Variants in ARB2A observed in about 807,000 individuals in gnomAD.
The protein encoded by ARB2A is ARB2 cotranscriptional regulator A.
chr5:94,020,519 T>G, the ARB2A span, among the ~76,000 whole-genome samples: 1 of 152,134 alleles, frequency 6.6e-6, no homozygotes, highest in Admixed American at 6.5e-5. Context: ...TAAGTCTAGG[T>G]GATTGCCTGG....
At chr5:93,697,460 A>C in the ARB2A span, among the ~76,000 whole-genome samples, 3 of 152,126 alleles carry the variant, frequency 2.0e-5, no homozygotes, top group South Asian at 6.2e-4. Context: ...CTGAATAAAA[A>C]TCTCACCTCA....
chr5:93,650,526 A>G, the ARB2A span, among the ~76,000 whole-genome samples: 1 of 152,190 alleles, frequency 6.6e-6, no homozygotes, highest in African/African-American at 2.4e-5. Flanking sequence ...CCTGTGAGGC[A>G]GTATAAAATC....
At chr5:94,000,824 G>T in the ARB2A span, among the ~76,000 whole-genome samples, 3 of 151,986 alleles carry the variant, frequency 2.0e-5, no homozygotes, top group Non-Finnish European at 2.9e-5. Context: ...GTTAATTTCT[G>T]CAAAAGGCAT....
chr5:93,737,251 C>T, the ARB2A span: 2 of 152,120 alleles, frequency 1.3e-5, no homozygotes, highest in Non-Finnish European at 2.9e-5. Flanking sequence ...AAGGCTTGTA[C>T]ACTGAAAACT....
the ARB2A span, among the ~76,000 whole-genome samples, chr5:93,653,757 T>C: frequency 1.8e-4 from 28 of 152,240 alleles, no homozygotes; most frequent in Admixed American, 3.3e-4. Context: ...TATCTTCATA[T>C]ATATTATTAG....
the ARB2A span, among the ~76,000 whole-genome samples, chr5:93,759,258 A>G: frequency 6.6e-6 from 1 of 152,118 alleles, no homozygotes; most frequent in Non-Finnish European, 1.5e-5. Context: ...GGTAATAAAA[A>G]ATTACCAGTA....
chr5:93,928,151 G>T, the ARB2A span, among the ~76,000 whole-genome samples: 1 of 152,110 alleles, frequency 6.6e-6, no homozygotes, highest in African/African-American at 2.4e-5. Context: ...AGGAAGAACT[G>T]CTGAGGTTGG....
chr5:94,057,453 A>T, the ARB2A span, among the ~76,000 whole-genome samples: 7 of 152,108 alleles, frequency 4.6e-5, no homozygotes, highest in Non-Finnish European at 1.0e-4. Context: ...AGAGTTCAGG[A>T]GATGGATGGT....
chr5:94,051,263 G>A, the ARB2A span, among the ~76,000 whole-genome samples: 1 of 152,144 alleles, frequency 6.6e-6, no homozygotes, highest in Non-Finnish European at 1.5e-5. Context: ...TCTGCCACTG[G>A]GGATTCATAT....
the ARB2A span, among the ~76,000 whole-genome samples, chr5:93,633,439 A>G: frequency 6.6e-6 from 1 of 152,170 alleles, no homozygotes; most frequent in African/African-American, 2.4e-5. Context: ...GAAATTCCTT[A>G]ATTAGGCTTA....
the ARB2A span, among the ~76,000 whole-genome samples, chr5:93,949,679 T>C: frequency 6.6e-6 from 1 of 152,120 alleles, no homozygotes; most frequent in Non-Finnish European, 1.5e-5. Flanking sequence ...TCTTTTTAAA[T>C]GTACAATCAA....
At chr5:93,823,317 T>A in the ARB2A span, among the ~76,000 whole-genome samples, 2 of 152,208 alleles carry the variant, frequency 1.3e-5, no homozygotes, top group African/African-American at 4.8e-5. Context: ...TGGTAATTTT[T>A]TTCTATCATG....
the ARB2A span, chr5:93,861,113 C>A: frequency 2.0e-5 from 3 of 152,174 alleles, no homozygotes; most frequent in South Asian, 2.1e-4. Context: ...CCAACATATT[C>A]TTTTAAGTAT....
At chr5:94,088,973 T>C in the ARB2A span, among the ~76,000 whole-genome samples, 1 of 152,164 alleles carries the variant, frequency 6.6e-6, no homozygotes, top group Non-Finnish European at 1.5e-5. Flanking sequence ...CTCTCAGTCC[T>C]TCAACATGAT....
chr5:93,834,043 G>C, the ARB2A span, among the ~76,000 whole-genome samples: 3 of 152,226 alleles, frequency 2.0e-5, no homozygotes, highest in South Asian at 6.2e-4. Context: ...ACGTCCATGA[G>C]TAAACAATGT....
At chr5:94,032,539 A>G in the ARB2A span, among the ~76,000 whole-genome samples, 1 of 152,200 alleles carries the variant, frequency 6.6e-6, no homozygotes, top group African/African-American at 2.4e-5. Context: ...GGGGATTACA[A>G]GACAACATGA....
chr5:93,972,015 G>A, the ARB2A span, among the ~76,000 whole-genome samples: 6 of 152,078 alleles, frequency 3.9e-5, no homozygotes, highest in South Asian at 2.1e-4. Context: ...GTAATCTCTC[G>A]CCTCCCTGCC....
chr5:93,966,217 C>T, the ARB2A span, among the ~76,000 whole-genome samples: 2 of 152,044 alleles, frequency 1.3e-5, no homozygotes, highest in Non-Finnish European at 2.9e-5. Context: ...AAATATCCTA[C>T]TATCTATGAA....
At chr5:93,845,878 G>A in the ARB2A span, among the ~76,000 whole-genome samples, 1 of 152,112 alleles carries the variant, frequency 6.6e-6, no homozygotes, top group Non-Finnish European at 1.5e-5. Context: ...TGAATCTAAA[G>A]CTATAATTAT....
Sources: gnomAD v4.1 joint callset for allele counts (sites outside exome capture counted in the v4.1 genomes callset) on GRCh38, gnomAD v4.1.1 for gene constraint, MANE v1.5 for transcripts, NCBI Gene and HGNC (gene_info 2026-07-23, HGNC 2026-07-21) for gene names.